ABCA6: variants seen among roughly 807,000 people sequenced by gnomAD.
ABCA6 encodes ATP binding cassette subfamily A member 6.
ABCA6 carries 164 observed loss-of-function variants against 191.2 expected under a neutral mutation model. The ratio of observed to expected loss-of-function variants is 0.86; its 90% confidence interval spans 0.76 to 0.98. ABCA6 has a LOEUF of 0.98. Among genes scored for constraint, ABCA6 ranks in the 50% least tolerant of loss-of-function variants. The pLI is 0.00. For synonymous variants in ABCA6, 636 were observed against 647.7 expected, an observed-to-expected ratio of 0.98 and a Z score of 0.27; for missense variants, 1,958 against 1,894.1, an observed-to-expected ratio of 1.03 and a Z score of -0.63.
rs1460217924 is a variant in ABCA6 at position 69,089,466 on chromosome 17, A to G, written c.3605T>C (p.Ile1202Thr). Reference sequence around the variant, plus strand: ...GCTGAGGTGGAAAGCCCTTCTTACTATGAAGCAGACTAGAAAATCAGTGGC... The same window carrying G: ...GCTGAGGTGGAAAGCCCTTCTTACTGTGAAGCAGACTAGAAAATCAGTGGC... ...LSATDFLVCF[I>T]PYFQTLLFVF... is the part of the protein sequence containing the mutation. Residue 1202 changes from isoleucine to threonine, a missense_variant and splice_region_variant, in exon 27 of 39, where the codon ATA becomes ACA. Transcript: ENST00000284425. 3.1e-6 allele frequency: 5 copies of G among 1,613,676 alleles called. No individual in the cohort carries two copies. The highest frequency in any genetic ancestry group is 1.1e-5 in the South Asian group (1 of 91,060).
chr17:69,081,283 T>C (rs2072628010), intron 36 of ABCA6, 138 bp from the exon 37 acceptor site: 2 of 543,290 alleles, frequency 3.7e-6, no homozygotes, highest in Admixed American at 7.1e-5. Flanking sequence ...AAATATGAAA[T>C]CACAGCATTG....
At chr17:69,128,846 T>C in intron 7 of ABCA6, 42 bp from the exon 8 acceptor site, 5 of 1,474,712 alleles carry the variant, frequency 3.4e-6, no homozygotes, top group Non-Finnish European at 4.6e-6. Context: ...AAAAAATATT[T>C]AGCTCACTGA....
chr17:69,118,521 A>G (rs1342463623), intron 10 of ABCA6, among the ~76,000 whole-genome samples: 3 of 151,874 alleles, frequency 2.0e-5, no homozygotes, highest in African/African-American at 7.3e-5. Flanking sequence ...CTTCAATTGC[A>G]CTCTGATTTC....
rs1305671163 is a variant in ABCA6 at position 69,079,010 on chromosome 17, ATTG to A, written c.4814_4816del (p.Thr1605del). The A allele has an allele frequency of 1.2e-6, 2 of 1,611,918 alleles. No homozygotes were observed. Among genetic ancestry groups the A allele is most frequent in the Non-Finnish European group, 1.7e-6 (2 of 1,179,044 alleles). On this transcript the variant is annotated inframe_deletion, in exon 39 of 39. Transcript: ENST00000284425. ...TGAATGAGGGAGGAGTTTCCATCTCATTGTTGTATCAATTTCTTCATCAAAATT... is the reference window on the plus strand; with the variant it reads ...TGAATGAGGGAGGAGTTTCCATCTCATTGTATCAATTTCTTCATCAAAATT...
At chr17:69,107,670 T>A (rs1351666345) in intron 18 of ABCA6, 26 bp downstream of exon 18, 1 of 1,453,306 alleles carries the variant, frequency 6.9e-7, no homozygotes, top group Admixed American at 1.9e-5. Context: ...GAATTGGTTT[T>A]CTGTGAATTA....
Position 69,102,845 on chromosome 17 carries a change from C to T in ABCA6, c.2864G>A (p.Gly955Asp), listed in dbSNP as rs771299404. The change falls in exon 21 of 39, where the codon GGT becomes GAT. Residue 955 changes from glycine to aspartate, a missense_variant. Gly to Asp is a moderately conservative substitution (Grantham distance 94). Coordinates refer to ENST00000284425, the MANE Select transcript of ABCA6 (RefSeq NM_080284.3). ...AAAAGGCAAACATACCTTTTGTTTA[C>T]CAGAAACTATGATAGCTCCATTGTA... The part of the protein sequence containing the change: ...LSYNGAIIVS[G>D]KQKDYRFSVV... 2 of 1,577,382 alleles carry T rather than the reference C, an allele frequency of 1.3e-6. No homozygotes were observed. Among genetic ancestry groups the T allele is most frequent in the South Asian group, 1.2e-5 (1 of 82,506 alleles).
At chr17:69,085,294 C>A in intron 31 of ABCA6, 112 bp from the exon 32 acceptor site, 1 of 991,540 alleles carries the variant, frequency 1.0e-6, no homozygotes, top group Non-Finnish European at 1.4e-6. Context: ...CAAATAAATA[C>A]TATAGAAATT....
chr17:69,140,711 A>T lies in ABCA6; in HGVS notation c.-8T>A, dbSNP rs1252268030. 1 of 1,549,772 alleles carries T rather than the reference A, an allele frequency of 6.5e-7. No individual in the cohort carries two copies. Among genetic ancestry groups the T allele is most frequent in the Admixed American group, 1.9e-5 (1 of 51,832 alleles). ...TTTCTGTTTCATATTCATTTAGCCT[A>T]TTCGCTGAAGGAGAAAGTAATCATG... On this transcript the variant is annotated 5_prime_UTR_variant, in exon 2 of 39. An upstream open reading frame in the 5' UTR loses its in-frame stop. Transcript: ENST00000284425.
intron 21 of ABCA6, among the ~76,000 whole-genome samples, chr17:69,102,339 C>T (rs980047664): frequency 6.6e-6 from 1 of 151,962 alleles, no homozygotes; most frequent in African/African-American, 2.4e-5. Flanking sequence ...CAAGACTCTG[C>T]CTCAAAAAAA....
intron 1 of ABCA6, 142 bp from the exon 2 acceptor site, chr17:69,140,890 C>T (rs2074016784): frequency 5.1e-6 from 2 of 388,860 alleles, no homozygotes; most frequent in African/African-American, 4.2e-5. Context: ...AATATTTCAC[C>T]TTAAGCTTTT....
In ABCA6 at chr17:69,089,314, C is replaced by CT. The variant is rs1488330060; in HGVS notation, c.3606+150dup. On this transcript the variant is annotated intron_variant, in intron 27 of 38. Coordinates refer to ENST00000284425, the MANE Select transcript of ABCA6 (RefSeq NM_080284.3). ...CAATCCAAGCATGTAAAAAGTAACT[C>CT]TAAGGTTTAGAAACATGTCTGAAGG... The CT allele has an allele frequency of 1.3e-4, 87 of 668,256 alleles. 2 individuals carry two copies. In the South Asian group the frequency reaches 1.9e-3, roughly 15 times the overall value. The allele number at this position is 668,256 out of a possible 1,614,324, so 41.4% of individuals were successfully genotyped here. A position where few individuals can be genotyped will look rare whatever the true frequency, so the allele number is the denominator to read the frequency against.
At chr17:69,080,173 T>A (rs2072594917) in intron 37 of ABCA6, among the ~76,000 whole-genome samples, 1 of 152,144 alleles carries the variant, frequency 6.6e-6, no homozygotes, top group Non-Finnish European at 1.5e-5. Flanking sequence ...ATATATATTA[T>A]GATATATATT....
At chr17:69,115,566 A>G in intron 11 of ABCA6, 80 bp from the exon 12 acceptor site, 2 of 934,436 alleles carry the variant, frequency 2.1e-6, no homozygotes, top group Non-Finnish European at 1.6e-6. Context: ...CCAACATAGA[A>G]CAAGGCTATT....
At chr17:69,127,074 G>A (rs1237745863) in intron 8 of ABCA6, among the ~76,000 whole-genome samples, 1 of 152,170 alleles carries the variant, frequency 6.6e-6, no homozygotes, top group African/African-American at 2.4e-5. Flanking sequence ...TTGATAAATT[G>A]AGCTGGAGAA....
At chr17:69,096,607 T>A in intron 24 of ABCA6, 21 bp downstream of exon 24, 1 of 1,454,202 alleles carries the variant, frequency 6.9e-7, no homozygotes, top group Non-Finnish European at 9.1e-7. Context: ...TGAAATTTGG[T>A]TTATGTACTG....
chr17:69,102,900 C>G lies in ABCA6; in HGVS notation c.2809G>C (p.Glu937Gln). The change falls in exon 21 of 39, where the codon GAA becomes CAA. Residue 937 changes from glutamate to glutamine, a missense_variant. Transcript: ENST00000284425. ...QNILLEVDDF[E>Q]NRNGTDGLSY... is the part of the protein sequence containing the mutation. Reference sequence around the variant, plus strand: ...AGGCCATCAGTACCATTTCTGTTTTCAAAGTCATCTACTTCCAAAAGTATA... The same window carrying G: ...AGGCCATCAGTACCATTTCTGTTTTGAAAGTCATCTACTTCCAAAAGTATA... The G allele has an allele frequency of 6.3e-7, 1 of 1,598,580 alleles. No homozygotes were observed. Among genetic ancestry groups the G allele is most frequent in the Non-Finnish European group, 8.5e-7 (1 of 1,172,770 alleles).
intron 2 of ABCA6, 65 bp downstream of exon 2, chr17:69,140,543 A>T (rs2074010860): frequency 7.8e-6 from 7 of 897,272 alleles, no homozygotes; most frequent in Non-Finnish European, 1.2e-5. Context: ...AACATAAGAG[A>T]ATCAGTAGGT....
chr17:69,089,639 C>A, intron 26 of ABCA6, 97 bp from the exon 27 acceptor site: 1 of 1,020,290 alleles, frequency 9.8e-7, no homozygotes, highest in South Asian at 1.6e-5. Context: ...TGAATATTTT[C>A]CTCATAGATC....
chr17:69,100,688 T>C, intron 22 of ABCA6, 109 bp downstream of exon 22: 1 of 1,186,164 alleles, frequency 8.4e-7, no homozygotes, highest in South Asian at 2.2e-5. Flanking sequence ...GATAAAATAA[T>C]AATTTTCAGG....
Sources: allele counts gnomAD v4.1 joint callset (sites outside exome capture counted in the v4.1 genomes callset), GRCh38; gene constraint gnomAD v4.1.1; transcripts MANE v1.5; gene names NCBI Gene and HGNC (gene_info 2026-07-23, HGNC 2026-07-21).